The following KCNIP1 variants were observed in gnomAD, a reference collection of about 807,000 sequenced individuals.
KCNIP1 encodes the protein A-type potassium channel modulatory protein KCNIP1.
Under a neutral mutation model 33.0 loss-of-function variants are expected in KCNIP1, and 18 were observed. That is an observed-to-expected ratio of 0.55 (90% CI 0.38 to 0.81). The LOEUF (loss-of-function observed/expected upper bound fraction) is 0.81, where lower values mean the gene tolerates loss of function less well. KCNIP1 is among the 30% of genes least tolerant of loss of function. The probability of loss-of-function intolerance (pLI) is 0.00; values close to 1 mark genes in which losing one functional copy is unlikely to be tolerated. For synonymous variants in KCNIP1, 93 were observed against 98.3 expected (o/e 0.95, Z 0.32); for missense variants, 238 against 271.6 (o/e 0.88, Z 0.87).
chr5:170,494,367 A>G (rs1164941140), intron 1 of KCNIP1, among the ~76,000 whole-genome samples: 1 of 152,188 alleles, frequency 6.6e-6, no homozygotes, highest in Non-Finnish European at 1.5e-5. Flanking sequence ...CAACAGAAAA[A>G]GAACTCGGCT....
intron 1 of KCNIP1, among the ~76,000 whole-genome samples, chr5:170,661,117 C>A (rs567278037): frequency 6.6e-6 from 1 of 152,280 alleles, no homozygotes; most frequent in African/African-American, 2.4e-5. Context: ...TGTTTGATCA[C>A]CCTGTCAGCC....
chr5:170,403,695 G>A (rs1378308210), intron 1 of KCNIP1, among the ~76,000 whole-genome samples: 2 of 152,200 alleles, frequency 1.3e-5, no homozygotes, highest in Non-Finnish European at 2.9e-5. Context: ...TGAATGTTCA[G>A]GCATAGCTCA....
intron 1 of KCNIP1, among the ~76,000 whole-genome samples, chr5:170,415,253 T>A (rs1447122129): frequency 6.6e-6 from 1 of 152,156 alleles, no homozygotes; most frequent in Non-Finnish European, 1.5e-5. Flanking sequence ...TTTGTGTTTG[T>A]GTTTGCCGTC....
chr5:170,599,395 G>T (rs952755495), intron 1 of KCNIP1, among the ~76,000 whole-genome samples: 2 of 152,096 alleles, frequency 1.3e-5, no homozygotes, highest in Non-Finnish European at 2.9e-5. Flanking sequence ...TGTCATGATG[G>T]CATCTGATTT....
upstream of KCNIP1, among the ~76,000 whole-genome samples, chr5:170,499,965 C>T (rs12521917): frequency 0.65 from 98,477 of 151,954 alleles, 33,560 homozygotes; most frequent in South Asian, 0.75. Flanking sequence ...TGGGGTTGCG[C>T]ATCAGTCTGC....
intron 1 of KCNIP1, among the ~76,000 whole-genome samples, chr5:170,427,310 A>T (rs1365504626): frequency 1.3e-5 from 2 of 152,180 alleles, no homozygotes; most frequent in African/African-American, 4.8e-5. Context: ...CCAGGAGAGA[A>T]AGGCGTAAGG....
intron 1 of KCNIP1, among the ~76,000 whole-genome samples, chr5:170,669,172 G>A (rs1761823433): frequency 6.6e-6 from 1 of 152,078 alleles, no homozygotes; most frequent in Non-Finnish European, 1.5e-5. Context: ...TTGAATGAAC[G>A]ATGAATGAAT....
intron 1 of KCNIP1, among the ~76,000 whole-genome samples, chr5:170,613,012 C>A (rs1270763441): frequency 6.6e-6 from 1 of 152,226 alleles, no homozygotes; most frequent in Non-Finnish European, 1.5e-5. Context: ...TACACACACC[C>A]AGCATAGCAC....
At chr5:170,517,526 G>A (rs1288908024) in intron 1 of KCNIP1, among the ~76,000 whole-genome samples, 2 of 152,096 alleles carry the variant, frequency 1.3e-5, no homozygotes, top group African/African-American at 2.4e-5. Context: ...TAGTGGTAAT[G>A]GTGATTATTA....
At chr5:170,677,935 A>C (rs1346331714) in intron 1 of KCNIP1, among the ~76,000 whole-genome samples, 1 of 152,248 alleles carries the variant, frequency 6.6e-6, no homozygotes, top group Non-Finnish European at 1.5e-5. Flanking sequence ...TTAGTAAGAG[A>C]AATATCAGAA....
intron 1 of KCNIP1, among the ~76,000 whole-genome samples, chr5:170,643,636 C>A (rs543798302): frequency 2.0e-4 from 30 of 152,374 alleles, no homozygotes; most frequent in African/African-American, 6.5e-4. Flanking sequence ...CTATCCACGG[C>A]TGCTGTGAGC....
chr5:170,472,395 G>T (rs1756752416), intron 1 of KCNIP1, among the ~76,000 whole-genome samples: 1 of 152,136 alleles, frequency 6.6e-6, no homozygotes, highest in Non-Finnish European at 1.5e-5. Flanking sequence ...GAAATTGGGG[G>T]TCTCTGATGA....
chr5:170,459,196 A>T (rs1469731753), intron 1 of KCNIP1, among the ~76,000 whole-genome samples: 2 of 152,154 alleles, frequency 1.3e-5, no homozygotes, highest in Admixed American at 1.3e-4. Context: ...TTATAAAACA[A>T]TTACTAATAG....
At chr5:170,679,221 T>A (rs146316623) in intron 1 of KCNIP1, 1 of 152,322 alleles carries the variant, frequency 6.6e-6, no homozygotes, top group African/African-American at 2.4e-5. Flanking sequence ...CATGGCTGAT[T>A]TCAAGCTGAC....
chr5:170,654,485 G>A (rs756543987), intron 1 of KCNIP1, among the ~76,000 whole-genome samples: 12 of 152,188 alleles, frequency 7.9e-5, no homozygotes, highest in Non-Finnish European at 1.6e-4. Flanking sequence ...GGCATCGGCT[G>A]AATCTGGGTC....
chr5:170,447,295 C>G (rs777344311), intron 1 of KCNIP1, among the ~76,000 whole-genome samples: 1 of 151,210 alleles, frequency 6.6e-6, no homozygotes, highest in Non-Finnish European at 1.5e-5. Context: ...AATAACAGGA[C>G]CACGGGCACT....
chr5:170,661,425 TG>T (rs1413897118), intron 1 of KCNIP1, among the ~76,000 whole-genome samples: 1 of 152,190 alleles, frequency 6.6e-6, no homozygotes, highest in African/African-American at 2.4e-5. Context: ...TGATATTAGA[TG>T]GCATCTGAGA....
intron 1 of KCNIP1, among the ~76,000 whole-genome samples, chr5:170,610,921 G>T (rs184756022): frequency 2.0e-5 from 3 of 152,260 alleles, no homozygotes; most frequent in Non-Finnish European, 4.4e-5. Context: ...TATGTGCGGG[G>T]TTCTTTCACT....
intron 1 of KCNIP1, chr5:170,712,882 G>A (rs1488653313): frequency 1.9e-6 from 3 of 1,613,674 alleles, no homozygotes; most frequent in Non-Finnish European, 2.5e-6. Flanking sequence ...ACCAGTATCA[G>A]AGAGGTAAAA....
Sources: allele counts gnomAD v4.1 joint callset (sites outside exome capture counted in the v4.1 genomes callset), GRCh38; gene constraint gnomAD v4.1.1; transcripts MANE v1.5; gene names NCBI Gene and HGNC (gene_info 2026-07-23, HGNC 2026-07-21).